Variants in MAPRE2 observed in about 807,000 individuals in gnomAD.
MAPRE2 encodes the protein microtubule associated protein RP/EB family member 2.
MAPRE2 carries 13 observed loss-of-function variants against 43.2 expected under a neutral mutation model. That is an observed-to-expected ratio of 0.30 (90% CI 0.20 to 0.48). MAPRE2 has a LOEUF of 0.48. Among genes scored for constraint, MAPRE2 ranks in the 20% least tolerant of loss-of-function variants. The probability of loss-of-function intolerance (pLI) is 0.99; values close to 1 mark genes in which losing one functional copy is unlikely to be tolerated. For missense variants in MAPRE2, 161 were observed against 400.2 expected (o/e 0.40, Z 5.10); for synonymous variants, 135 against 148.8 (o/e 0.91, Z 0.68).
At chr18:35,016,597 T>C (rs1417020399) in intron 2 of MAPRE2, among the ~76,000 whole-genome samples, 1 of 152,130 alleles carries the variant, frequency 6.6e-6, no homozygotes, top group African/African-American at 2.4e-5. Context: ...GCCACTTGTA[T>C]GTCTTCTTTT....
chr18:35,132,000 G>GT (rs762783107), intron 5 of MAPRE2, 32 bp from the exon 6 acceptor site: 26 of 1,600,654 alleles, frequency 1.6e-5, no homozygotes, highest in Admixed American at 1.7e-5. Context: ...TATTTTGGGT[G>GT]GTTTTTTTTC....
intron 6 of MAPRE2, among the ~76,000 whole-genome samples, chr18:35,138,017 T>G (rs937557968): frequency 6.6e-6 from 1 of 152,176 alleles, no homozygotes; most frequent in African/African-American, 2.4e-5. Context: ...CTGTTTCTTG[T>G]CCTGCGCTGG....
intron 1 of MAPRE2, among the ~76,000 whole-genome samples, chr18:35,065,187 A>G (rs1356504795): frequency 6.6e-6 from 1 of 152,004 alleles, no homozygotes; most frequent in Non-Finnish European, 1.5e-5. Flanking sequence ...AATCCCAGCT[A>G]TTTGGGAGGC....
Position 35,140,325 on chromosome 18 carries a change from G to A in MAPRE2, c.940G>A (p.Glu314Lys), listed in dbSNP as rs755045711. The part of the protein sequence containing the change: ...EGHTEEPEAE[E>K]QAHEQQPPQQ... Reference sequence around the variant, plus strand: ...CCACACAGAAGAGCCGGAAGCAGAGGAGCAAGCCCACGAACAGCAGCCCCC... The same window carrying A: ...CCACACAGAAGAGCCGGAAGCAGAGAAGCAAGCCCACGAACAGCAGCCCCC... The change falls in exon 7 of 7, where the codon GAG becomes AAG. Residue 314 changes from glutamate (E) to lysine (K), a missense_variant. Around this residue, in one of 2 missense-constraint regions of MAPRE2, gnomAD observed 96 missense variants for 153.3 expected, o/e 0.63. Transcript: ENST00000300249. 1 of 1,613,866 alleles carries A rather than the reference G, an allele frequency of 6.2e-7. No individual in the cohort carries two copies. The highest frequency in any genetic ancestry group is 8.5e-7 in the Non-Finnish European group (1 of 1,179,924).
chr18:35,042,230 T>G (rs17669160), intron 1 of MAPRE2, among the ~76,000 whole-genome samples: 8,746 of 152,240 alleles, frequency 0.057, 384 homozygotes, highest in East Asian at 0.22. Context: ...CACCAAAATT[T>G]TCTCCATAGA....
intron 4 of MAPRE2, among the ~76,000 whole-genome samples, chr18:35,114,383 C>T (rs1034950528): frequency 2.0e-5 from 3 of 152,086 alleles, no homozygotes; most frequent in Non-Finnish European, 4.4e-5. Flanking sequence ...AGTTCAAAAA[C>T]ATTTCCTTTC....
intron 2 of MAPRE2, among the ~76,000 whole-genome samples, chr18:35,020,252 G>C (rs1355308805): frequency 6.6e-6 from 1 of 152,108 alleles, no homozygotes; most frequent in African/African-American, 2.4e-5. Flanking sequence ...CCTCCCTAAA[G>C]AACTCGATTC....
At chr18:35,099,142 A>T (rs763757245) in intron 3 of MAPRE2, among the ~76,000 whole-genome samples, 41 of 152,226 alleles carry the variant, frequency 2.7e-4, no homozygotes, top group Non-Finnish European at 8.8e-5. Context: ...ATGTACCACC[A>T]GTGTCTAAAA....
intron 2 of MAPRE2, among the ~76,000 whole-genome samples, chr18:35,075,139 A>G (rs565956750): frequency 2.6e-5 from 4 of 152,230 alleles, no homozygotes; most frequent in Admixed American, 2.0e-4. Flanking sequence ...CACATTTGCA[A>G]TTCTGGTTAC....
At chr18:35,121,896 A>C (rs907677702) in intron 4 of MAPRE2, among the ~76,000 whole-genome samples, 2 of 152,206 alleles carry the variant, frequency 1.3e-5, no homozygotes, top group African/African-American at 4.8e-5. Flanking sequence ...CTCACATAAA[A>C]GTATTCTATC....
chr18:35,003,002 G>GT lies in MAPRE2; in HGVS notation c.-69-2484dup, dbSNP rs201030319. Among the ~76,000 whole-genome samples, 1,122 of 152,106 alleles carry GT rather than the reference G, an allele frequency of 7.4e-3. 10 individuals carry two copies. Among genetic ancestry groups the GT allele is most frequent in the African/African-American group, 0.025 (1,022 of 41,502 alleles). Reference sequence around the variant, plus strand: ...TCCTAAAGATTTTCTCCTGTTTTTTGTTTTTTCTATAAGTTTTGTAGTCTT... The same window carrying GT: ...TCCTAAAGATTTTCTCCTGTTTTTTGTTTTTTTCTATAAGTTTTGTAGTCTT... On this transcript the variant is annotated intron_variant, in intron 1 of 7. Transcript: ENST00000413393.
chr18:35,028,840 C>T lies in MAPRE2; in HGVS notation c.-8+23287C>T, dbSNP rs58591080. On this transcript the variant is annotated intron_variant, in intron 2 of 7. Transcript: ENST00000413393. ...TGGAATTGTGGGCTGGTGGGAATGG[C>T]GTGAAGACAGGCTGTGTAGAGAAGT... Among the ~76,000 whole-genome samples, 1,039 of 152,278 alleles carry T rather than the reference C, an allele frequency of 6.8e-3. 13 individuals carry two copies. Among genetic ancestry groups the T allele is most frequent in the African/African-American group, 0.024 (985 of 41,536 alleles).
At position 35,082,207 on chromosome 18, in the gene MAPRE2, G is replaced by A. The variant is rs1180764953; in HGVS notation, c.250+11885G>A. ...TGGGAGGCTGAGGCAGGAGAATGGC[G>A]TGAACCCGGGAGGCGGAGCTTGCAG... On this transcript the variant is annotated intron_variant, in intron 2 of 6. Transcript: ENST00000300249. 3.6e-5 allele frequency: 3 copies of A among 82,892 alleles called. 1 individual carries two copies. Among genetic ancestry groups the A allele is most frequent in the Non-Finnish European group, 5.9e-5 (3 of 50,486 alleles). 5.1% of individuals were successfully genotyped at this position (82,892 alleles called of 1,614,324 possible).
At chr18:35,104,292 G>C (rs1040455810) in intron 4 of MAPRE2, among the ~76,000 whole-genome samples, 3 of 152,142 alleles carry the variant, frequency 2.0e-5, no homozygotes, top group Non-Finnish European at 4.4e-5. Flanking sequence ...TTTAACAAGG[G>C]CTTGTGGAAG....
At chr18:34,997,296 T>C (rs1380989860) in intron 1 of MAPRE2, among the ~76,000 whole-genome samples, 1 of 152,182 alleles carries the variant, frequency 6.6e-6, no homozygotes, top group Non-Finnish European at 1.5e-5. Context: ...CCATAGCATT[T>C]AGGGGATCCT....
intron 2 of MAPRE2, among the ~76,000 whole-genome samples, chr18:35,029,219 T>A (rs1176197266): frequency 1.3e-5 from 2 of 152,254 alleles, no homozygotes; most frequent in Admixed American, 1.3e-4. Context: ...ATAAGCTGCT[T>A]TAATTTTCTT....
chr18:35,077,846 C>A (rs1907444529), intron 2 of MAPRE2, among the ~76,000 whole-genome samples: 1 of 152,130 alleles, frequency 6.6e-6, no homozygotes, highest in African/African-American at 2.4e-5. Context: ...ATTTTGAAAT[C>A]ATTCACCAAG....
intron 1 of MAPRE2, among the ~76,000 whole-genome samples, chr18:35,061,623 T>TGGAGACAAACCTGGA (rs1906533967): frequency 6.6e-6 from 1 of 152,336 alleles, no homozygotes; most frequent in African/African-American, 2.4e-5. Context: ...AGACAATAAA[T>TGGAGACAAACCTGGA]GACTTCTTAA....
intron 2 of MAPRE2, among the ~76,000 whole-genome samples, chr18:35,008,083 T>C (rs942575340): frequency 1.3e-5 from 2 of 152,118 alleles, no homozygotes; most frequent in African/African-American, 4.8e-5. Context: ...TGCTATTAAG[T>C]GGTTCCTGAG....
Sources: gnomAD v4.1 joint callset for allele counts (sites outside exome capture counted in the v4.1 genomes callset) on GRCh38, gnomAD v4.1.1 for gene constraint, gnomAD v4.1.1 regional missense constraint, MANE v1.5 for transcripts, NCBI Gene and HGNC (gene_info 2026-07-23, HGNC 2026-07-21) for gene names.